Variants in SRBD1 observed in about 807,000 individuals in gnomAD.
SRBD1 encodes the protein S1 RNA-binding domain-containing protein 1.
Under a neutral mutation model 115.3 loss-of-function variants are expected in SRBD1, and 88 were observed. The ratio of observed to expected loss-of-function variants is 0.76; its 90% CI spans 0.64 to 0.91. The LOEUF (loss-of-function observed/expected upper bound fraction) is 0.91. Ranked by LOEUF, SRBD1 falls within the 40% of genes least tolerant of loss-of-function variation. The pLI is 0.00. For missense variants in SRBD1, 1,385 were observed against 1,177.4 expected, an observed-to-expected ratio of 1.18 and a Z score of -2.58; for synonymous variants, 509 against 407.7, an observed-to-expected ratio of 1.25 and a Z score of -2.99.
At chr2:45,496,055 T>G (rs775851502) in intron 14 of SRBD1, among the ~76,000 whole-genome samples, 1 of 152,224 alleles carries the variant, frequency 6.6e-6, no homozygotes, top group Non-Finnish European at 1.5e-5. Context: ...TTTATACTTT[T>G]CAAGTGCACC....
chr2:45,606,772 G>C (rs1480840767), intron 1 of SRBD1, among the ~76,000 whole-genome samples: 1 of 152,082 alleles, frequency 6.6e-6, no homozygotes, highest in Admixed American at 6.5e-5. Context: ...ATTAATAAAG[G>C]ACTTTATAAG....
chr2:45,552,146 T>C (rs189694974), intron 11 of SRBD1, among the ~76,000 whole-genome samples: 28 of 152,288 alleles, frequency 1.8e-4, no homozygotes, highest in Admixed American at 6.5e-4. Context: ...GGGAATAAGA[T>C]ATGCAGACGT....
At chr2:45,419,137 T>C (rs1667923807) in intron 17 of SRBD1, among the ~76,000 whole-genome samples, 1 of 152,238 alleles carries the variant, frequency 6.6e-6, no homozygotes. Context: ...AATTATGAAA[T>C]GTTTGTAGAT....
chr2:45,442,419 A>G (rs1156611517), intron 16 of SRBD1, among the ~76,000 whole-genome samples: 11 of 152,342 alleles, frequency 7.2e-5, no homozygotes, highest in South Asian at 4.1e-4. Flanking sequence ...TTTTCCTGCA[A>G]TATCTCCCGT....
At chr2:45,583,242 ATAAAT>A (rs2104190224) in intron 5 of SRBD1, among the ~76,000 whole-genome samples, 2 of 152,270 alleles carry the variant, frequency 1.3e-5, no homozygotes, top group South Asian at 4.1e-4. Flanking sequence ...GCAGAAGACT[ATAAAT>A]TAAAGAGAAG....
chr2:45,530,244 T>G (rs893544425), intron 14 of SRBD1, among the ~76,000 whole-genome samples: 5 of 152,060 alleles, frequency 3.3e-5, no homozygotes, highest in Non-Finnish European at 7.4e-5. Context: ...AAGCTCAAGT[T>G]GCTTATCACT....
rs369853633 is a variant in SRBD1 at position 45,549,209 on chromosome 2, G to T, written c.1676-1597C>A. ...ACTGAGCAAAGTAAAGATAGCAACA[G>T]CAAAGGAAAAAGAAAGCCCAGATAA... On this transcript the variant is annotated intron_variant, in intron 12 of 20. Coordinates refer to ENST00000263736, the MANE Select transcript of SRBD1 (RefSeq NM_018079.5). The T allele has an allele frequency of 8.2e-4, 124 of 151,510 alleles. 1 individual carries two copies. The highest frequency in any genetic ancestry group is 2.9e-3 in the African/African-American group (120 of 41,320). The allele number at this position is 151,510 out of a possible 1,614,324, so 9.4% of individuals were successfully genotyped here. A position where few individuals can be genotyped will look rare whatever the true frequency, so the allele number is the denominator to read the frequency against.
intron 16 of SRBD1, among the ~76,000 whole-genome samples, chr2:45,427,586 T>G (rs1418763074): frequency 1.3e-5 from 2 of 152,168 alleles, no homozygotes; most frequent in Non-Finnish European, 2.9e-5. Flanking sequence ...CTATCCTAAA[T>G]AGAGGGACTC....
intron 16 of SRBD1, among the ~76,000 whole-genome samples, chr2:45,446,723 C>G (rs1397294800): frequency 6.6e-6 from 1 of 150,992 alleles, no homozygotes; most frequent in African/African-American, 2.4e-5. Flanking sequence ...CACAGAACAC[C>G]TACAAAAAAA....
At chr2:45,479,201 G>A (rs571813135) in intron 15 of SRBD1, among the ~76,000 whole-genome samples, 2 of 152,056 alleles carry the variant, frequency 1.3e-5, no homozygotes, top group Admixed American at 6.6e-5. Context: ...GACACACAAC[G>A]GTATTGAAAT....
At chr2:45,520,569 G>T (rs545220741) in intron 14 of SRBD1, among the ~76,000 whole-genome samples, 1 of 152,202 alleles carries the variant, frequency 6.6e-6, no homozygotes, top group African/African-American at 2.4e-5. Flanking sequence ...TGCCCAAAAA[G>T]TTGCCTTTTG....
At chr2:45,605,126 G>A (rs1014473427) in intron 2 of SRBD1, among the ~76,000 whole-genome samples, 1 of 152,186 alleles carries the variant, frequency 6.6e-6, no homozygotes, top group Admixed American at 6.5e-5. Flanking sequence ...ATATTCTAGT[G>A]TAAGTATTAT....
chr2:45,429,025 G>A (rs892631141), intron 16 of SRBD1, among the ~76,000 whole-genome samples: 1 of 152,084 alleles, frequency 6.6e-6, no homozygotes, highest in Admixed American at 6.5e-5. Flanking sequence ...ACACCTTTAC[G>A]CAAATAAACT....
At chr2:45,461,467 A>C (rs968570107) in intron 16 of SRBD1, among the ~76,000 whole-genome samples, 1 of 152,158 alleles carries the variant, frequency 6.6e-6, no homozygotes, top group Non-Finnish European at 1.5e-5. Flanking sequence ...CAAGGAAAAC[A>C]ACCTTTTCTT....
intron 14 of SRBD1, among the ~76,000 whole-genome samples, chr2:45,539,877 A>G (rs1015844362): frequency 6.6e-6 from 1 of 152,220 alleles, no homozygotes; most frequent in Admixed American, 6.5e-5. Context: ...TACAGCATAT[A>G]GCAGAAATAA....
At chr2:45,501,939 T>C (rs530252093) in intron 14 of SRBD1, among the ~76,000 whole-genome samples, 4 of 151,896 alleles carry the variant, frequency 2.6e-5, no homozygotes, top group African/African-American at 4.8e-5. Flanking sequence ...TTGAAGAGAG[T>C]AGTGGTTCTC....
chr2:45,474,755 T>C lies in SRBD1; in HGVS notation c.2049+2238A>G, dbSNP rs145736482. The stretch of plus-strand genomic sequence containing the variant: ...ATTTCTCCATGAGTGTGATTCCCCA[T>C]GCTTAGTATCTGTCAGGAATTCCTG... On this transcript the variant is annotated intron_variant, in intron 16 of 20. Coordinates refer to ENST00000263736, the MANE Select transcript of SRBD1 (RefSeq NM_018079.5). Among the ~76,000 whole-genome samples the C allele has an allele frequency of 9.8e-5, 15 of 152,322 alleles. 1 individual carries two copies. The East Asian group carries it at 2.9e-3, about 29-fold the overall frequency.
chr2:45,545,720 C>T (rs1672095745), intron 14 of SRBD1, among the ~76,000 whole-genome samples: 1 of 152,196 alleles, frequency 6.6e-6, no homozygotes, highest in Admixed American at 6.5e-5. Context: ...CAATCTGTTT[C>T]CTTCTTGAAT....
intron 14 of SRBD1, among the ~76,000 whole-genome samples, chr2:45,520,170 G>C (rs1425714121): frequency 6.6e-6 from 1 of 152,224 alleles, no homozygotes; most frequent in Non-Finnish European, 1.5e-5. Context: ...CCAACAAGCT[G>C]TCAGCATGAG....
Sources: gnomAD v4.1 joint callset for allele counts (sites outside exome capture counted in the v4.1 genomes callset) on GRCh38, gnomAD v4.1.1 for gene constraint, MANE v1.5 for transcripts, NCBI Gene and HGNC (gene_info 2026-07-23, HGNC 2026-07-21) for gene names.